The following RAB31 variants were observed in gnomAD, a reference collection of about 807,000 sequenced individuals.
The protein encoded by RAB31 is RAB31, member RAS oncogene family, also known as ras-related protein Rab-31.
A neutral mutation model predicts 25.6 loss-of-function variants in RAB31; 21 were observed. The observed-to-expected ratio is 0.82, with a 90% CI of 0.58 to 1.18. RAB31 has a LOEUF of 1.18. RAB31 is among the 50% of genes most tolerant of loss of function. The pLI, the probability that RAB31 is intolerant of heterozygous loss-of-function variation, is 0.00. For synonymous variants in RAB31, 87 were observed against 84.0 expected (o/e 1.04, Z -0.20); for missense variants, 196 against 250.1 (o/e 0.78, Z 1.46).
At chr18:9,741,829 C>T (rs574314426) in intron 1 of RAB31, among the ~76,000 whole-genome samples, 12 of 152,332 alleles carry the variant, frequency 7.9e-5, no homozygotes, top group African/African-American at 2.9e-4. Context: ...ACTTCCCATG[C>T]GGTTCCTCTG....
intron 1 of RAB31, among the ~76,000 whole-genome samples, chr18:9,762,649 C>T (rs1156916501): frequency 6.6e-6 from 1 of 151,214 alleles, no homozygotes; most frequent in African/African-American, 2.5e-5. Flanking sequence ...GGACAAACTG[C>T]TCTCTGGAAA....
rs186390472 is a variant in RAB31, at chr18:9,752,798, C to G, written c.40-22480C>G. On this transcript the variant is annotated intron_variant, in intron 1 of 6. Coordinates refer to ENST00000578921, the MANE Select transcript of RAB31 (RefSeq NM_006868.4). ...AAACCCTTTTACAACTAGGGATGTG[C>G]AATCAAAGAAGTTTGGAGACTTTTA... Among the ~76,000 whole-genome samples the G allele has an allele frequency of 5.3e-5, 8 of 152,268 alleles. No homozygotes were observed. In the East Asian group the frequency reaches 1.5e-3, roughly 29 times the overall value.
chr18:9,861,220 T>C lies in RAB31; in HGVS notation c.*1895T>C, dbSNP rs1297072573. The stretch of plus-strand genomic sequence containing the variant: ...TTCCCTGAGAACCTGGGTTTATCTC[T>C]AGATAGCTGTTCAGGTTTTTTAGCT... On this transcript the variant is annotated 3_prime_UTR_variant, in exon 7 of 7. Coordinates refer to ENST00000578921, the MANE Select transcript of RAB31 (RefSeq NM_006868.4). 6.6e-6 allele frequency: 1 copy of C among 152,144 alleles called. No individual in the cohort carries two copies. The highest frequency in any genetic ancestry group is 2.4e-5 in the African/African-American group (1 of 41,430). The allele number at this position is 152,144 out of a possible 1,614,324, so 9.4% of individuals were successfully genotyped here.
At chr18:9,744,274 G>A (rs1036934885) in intron 1 of RAB31, among the ~76,000 whole-genome samples, 2 of 152,302 alleles carry the variant, frequency 1.3e-5, no homozygotes, top group East Asian at 1.9e-4. Flanking sequence ...TGGTAGCAAT[G>A]CAAAATAACT....
intron 5 of RAB31, among the ~76,000 whole-genome samples, chr18:9,843,328 T>C (rs2068743493): frequency 6.6e-6 from 1 of 152,070 alleles, no homozygotes; most frequent in Admixed American, 6.5e-5. Flanking sequence ...GCGGATTACT[T>C]GAGGCCAAGA....
intron 4 of RAB31, 56 bp from the exon 5 acceptor site, chr18:9,815,060 G>C: frequency 7.9e-7 from 1 of 1,270,530 alleles, no homozygotes; most frequent in East Asian, 2.5e-5. Context: ...TTTCTGCTTA[G>C]TTGAAATATT....
intron 3 of RAB31, among the ~76,000 whole-genome samples, chr18:9,808,540 G>A (rs1223508975): frequency 6.6e-6 from 1 of 152,196 alleles, no homozygotes; most frequent in Non-Finnish European, 1.5e-5. Context: ...TCAGTAATGT[G>A]TTTTTCCATT....
intron 5 of RAB31, among the ~76,000 whole-genome samples, chr18:9,840,568 C>A (rs2068728410): frequency 6.6e-6 from 1 of 152,280 alleles, no homozygotes; most frequent in East Asian, 1.9e-4. Flanking sequence ...CTCACCTTCG[C>A]AAAACTCTCC....
intron 5 of RAB31, among the ~76,000 whole-genome samples, chr18:9,834,770 G>C (rs985038858): frequency 1.3e-5 from 2 of 152,104 alleles, no homozygotes; most frequent in Non-Finnish European, 2.9e-5. Context: ...TAAACAGAGT[G>C]GTTTAATCTT....
intron 1 of RAB31, among the ~76,000 whole-genome samples, chr18:9,712,071 G>C (rs2068020493): frequency 6.6e-6 from 1 of 152,188 alleles, no homozygotes; most frequent in African/African-American, 2.4e-5. Flanking sequence ...AGTGAAAGTG[G>C]GCCGGGTGCC....
At chr18:9,743,820 T>C (rs2068192021) in intron 1 of RAB31, among the ~76,000 whole-genome samples, 2 of 152,332 alleles carry the variant, frequency 1.3e-5, no homozygotes, top group East Asian at 1.9e-4. Flanking sequence ...TGTCTTTTGA[T>C]TGTTGGTCTC....
At chr18:9,757,335 G>A (rs934950467) in intron 1 of RAB31, among the ~76,000 whole-genome samples, 7 of 152,142 alleles carry the variant, frequency 4.6e-5, no homozygotes, top group Admixed American at 2.6e-4. Context: ...AGGTGCCTGC[G>A]GGCAGCCACT....
At chr18:9,717,451 A>G (rs2068050418) in intron 1 of RAB31, among the ~76,000 whole-genome samples, 1 of 152,198 alleles carries the variant, frequency 6.6e-6, no homozygotes, top group Non-Finnish European at 1.5e-5. Context: ...AGCAAACAGA[A>G]CACAGGGAGG....
intron 5 of RAB31, among the ~76,000 whole-genome samples, chr18:9,830,066 G>T (rs1455539751): frequency 6.6e-6 from 1 of 151,708 alleles, no homozygotes; most frequent in Non-Finnish European, 1.5e-5. Flanking sequence ...CAGCTGGAGT[G>T]CATAGCTCAC....
rs2068838741 is a variant in RAB31, at chr18:9,859,924, A to G, written c.*599A>G. On this transcript the variant is annotated 3_prime_UTR_variant, in exon 7 of 7. Transcript: ENST00000578921. Reference sequence around the variant, plus strand: ...AAAAGTGTATTAGAAACTGTTGTCTACACCACTTTTAATTGGTGAACAATT... The same window carrying G: ...AAAAGTGTATTAGAAACTGTTGTCTGCACCACTTTTAATTGGTGAACAATT... 6.6e-6 allele frequency: 1 copy of G among 152,260 alleles called. No individual in the cohort carries two copies. The allele number at this position is 152,260 out of a possible 1,614,324, so 9.4% of individuals were successfully genotyped here. A position where few individuals can be genotyped will look rare whatever the true frequency, so the allele number is the denominator to read the frequency against.
At chr18:9,827,912 AG>A (rs374186847) in intron 5 of RAB31, among the ~76,000 whole-genome samples, 1 of 152,270 alleles carries the variant, frequency 6.6e-6, no homozygotes, top group African/African-American at 2.4e-5. Flanking sequence ...GAGCAATGTA[AG>A]ACTGTATTTA....
At chr18:9,840,413 C>A (rs932227678) in intron 5 of RAB31, among the ~76,000 whole-genome samples, 1 of 152,134 alleles carries the variant, frequency 6.6e-6, no homozygotes, top group African/African-American at 2.4e-5. Context: ...GGATGCCGTA[C>A]CCTCCCATAA....
chr18:9,747,491 T>A (rs1404754633), intron 1 of RAB31, among the ~76,000 whole-genome samples: 1 of 152,186 alleles, frequency 6.6e-6, no homozygotes, highest in Non-Finnish European at 1.5e-5. Flanking sequence ...ATGAGCAAAT[T>A]GTGATATAAA....
At chr18:9,741,345 C>T (rs1365349492) in intron 1 of RAB31, among the ~76,000 whole-genome samples, 1 of 141,494 alleles carries the variant, frequency 7.1e-6, no homozygotes, top group Non-Finnish European at 1.5e-5. Flanking sequence ...CTACTGCACT[C>T]CAGCCTGGGC....
Sources: gnomAD v4.1 joint callset for allele counts (sites outside exome capture counted in the v4.1 genomes callset) on GRCh38, gnomAD v4.1.1 for gene constraint, MANE v1.5 for transcripts, NCBI Gene and HGNC (gene_info 2026-07-23, HGNC 2026-07-21) for gene names.